Variants in ZNF610 observed in about 807,000 individuals in gnomAD.
ZNF610 encodes zink finger protein.
Under a neutral mutation model 14.1 loss-of-function variants are expected in ZNF610, and 14 were observed. The ratio of observed to expected loss-of-function variants is 0.99; its 90% CI spans 0.65 to 1.55. The LOEUF is 1.55. ZNF610 is among the 40% of genes most tolerant of loss of function. ZNF610 has a pLI of 0.00. For missense variants in ZNF610, 530 were observed against 558.0 expected (o/e 0.95, Z 0.51); for synonymous variants, 185 against 187.6 (o/e 0.99, Z 0.11).
intron 1 of ZNF610, among the ~76,000 whole-genome samples, chr19:52,342,781 T>C (rs10421580): frequency 0.048 from 7,269 of 152,136 alleles, 571 homozygotes; most frequent in African/African-American, 0.16. Context: ...CACCTTGGCC[T>C]CCCAAAGTGC....
intron 5 of ZNF610, among the ~76,000 whole-genome samples, chr19:52,358,883 A>G (rs1985653947): frequency 6.6e-6 from 1 of 152,208 alleles, no homozygotes; most frequent in African/African-American, 2.4e-5. Flanking sequence ...CAGTTTCCTC[A>G]GCACTATTTG....
chr19:52,340,787 T>G (rs1343423195), intron 1 of ZNF610, among the ~76,000 whole-genome samples: 1 of 152,042 alleles, frequency 6.6e-6, no homozygotes, highest in Non-Finnish European at 1.5e-5. Flanking sequence ...TTCAAGCGAT[T>G]CTCCTGCCTC....
rs1247883132 is a variant in ZNF610, at chr19:52,366,289, C to G, written c.911C>G (p.Thr304Ser). Residue 304 changes from threonine to serine, a missense_variant, in exon 6 of 6, where the codon ACT becomes AGT. Thr to Ser is a moderately conservative substitution (Grantham distance 58, BLOSUM62 1). Coordinates refer to ENST00000403906, the MANE Select transcript of ZNF610 (RefSeq NM_001161425.2). ...GKAFRECSGL[T>S]THLVIHTGEK... ...GCTTTTAGAGAGTGTTCGGGACTTACTACCCATCTTGTAATCCATACTGGA... is the reference window on the plus strand; with the variant it reads ...GCTTTTAGAGAGTGTTCGGGACTTAGTACCCATCTTGTAATCCATACTGGA... The G allele has an allele frequency of 6.2e-7, 1 of 1,613,210 alleles. No homozygotes were observed. Among genetic ancestry groups the G allele is most frequent in the Non-Finnish European group, 8.5e-7 (1 of 1,179,430 alleles).
At chr19:52,342,620 A>G (rs1984739949) in intron 1 of ZNF610, among the ~76,000 whole-genome samples, 1 of 151,668 alleles carries the variant, frequency 6.6e-6, no homozygotes, top group African/African-American at 2.4e-5. Context: ...CCCGGGTTCA[A>G]GTGATTCTCC....
At position 52,356,594 on chromosome 19, in the gene ZNF610, A is replaced by C. The variant is rs923168590; in HGVS notation, c.319+2215A>C. ...TTAAATGCACAGGGTATGCCTCAGC[A>C]GGAGAGTCTCTAAAACTGACACTCC... is the stretch of plus-strand genomic sequence containing the variant. On this transcript the variant is annotated intron_variant, in intron 5 of 5. Transcript: ENST00000403906. Among the ~76,000 whole-genome samples the C allele has an allele frequency of 2.6e-5, 4 of 152,174 alleles. No homozygotes were observed. In the South Asian group the frequency reaches 8.3e-4, roughly 31 times the overall value.
intron 3 of ZNF610, among the ~76,000 whole-genome samples, chr19:52,349,751 A>G (rs1600233580): frequency 6.6e-6 from 1 of 151,930 alleles, no homozygotes; most frequent in Non-Finnish European, 1.5e-5. Flanking sequence ...TTGTATTTTT[A>G]GTAGAGACGG....
intron 1 of ZNF610, among the ~76,000 whole-genome samples, chr19:52,337,705 T>C (rs1281476672): frequency 6.6e-6 from 1 of 152,178 alleles, no homozygotes; most frequent in East Asian, 1.9e-4. Flanking sequence ...TGGACTATTA[T>C]GATCAAATTG....
At chr19:52,358,030 T>C (rs1985613772) in intron 5 of ZNF610, among the ~76,000 whole-genome samples, 1 of 152,140 alleles carries the variant, frequency 6.6e-6, no homozygotes, top group South Asian at 2.1e-4. Flanking sequence ...TTATAGAAGC[T>C]TTATTATATA....
chr19:52,361,627 A>T (rs575583353), intron 5 of ZNF610, among the ~76,000 whole-genome samples: 25 of 150,482 alleles, frequency 1.7e-4, no homozygotes, highest in South Asian at 6.3e-4. Context: ...TAATTTAAAA[A>T]TTTTTTTTTT....
chr19:52,366,078 T>G lies in ZNF610; in HGVS notation c.700T>G (p.Cys234Gly). The change falls in exon 6 of 6, where the codon TGT (cysteine) becomes GGT (glycine). Residue 234 changes from cysteine to glycine, a missense_variant. Transcript: ENST00000403906. Reference protein sequence around the residue: ...VIHTAEKPYKCTECGKVFSRN... With the variant: ...VIHTAEKPYKGTECGKVFSRN... ...CCATACTGCAGAGAAACCTTACAAATGTACTGAATGTGGCAAGGTCTTCAG... is the reference window on the plus strand; with the variant it reads ...CCATACTGCAGAGAAACCTTACAAAGGTACTGAATGTGGCAAGGTCTTCAG... 6.2e-7 allele frequency: 1 copy of G among 1,614,128 alleles called. No individual in the cohort carries two copies. The highest frequency in any genetic ancestry group is 8.5e-7 in the Non-Finnish European group (1 of 1,180,004).
intron 1 of ZNF610, among the ~76,000 whole-genome samples, chr19:52,344,532 G>A (rs1426155757): frequency 1.3e-5 from 2 of 152,174 alleles, no homozygotes; most frequent in African/African-American, 4.8e-5. Context: ...ACATTTGAGA[G>A]CTGAGGCATT....
At chr19:52,345,060 G>T (rs1191900963) in intron 1 of ZNF610, 1 of 152,300 alleles carries the variant, frequency 6.6e-6, no homozygotes. Flanking sequence ...AGGATTACAG[G>T]TGTGAGCCAC....
At chr19:52,358,479 GC>G (rs1426475118) in intron 5 of ZNF610, among the ~76,000 whole-genome samples, 1 of 152,316 alleles carries the variant, frequency 6.6e-6, no homozygotes, top group Admixed American at 6.5e-5. Flanking sequence ...ACTGCGCCTG[GC>G]CTCCTTTTTC....
At chr19:52,332,951 C>T (rs987413798), upstream of ZNF610, among the ~76,000 whole-genome samples, 1 of 152,140 alleles carries the variant, frequency 6.6e-6, no homozygotes, top group Non-Finnish European at 1.5e-5. This position sits in a 1 kb window ranked among gnomAD's most constrained non-coding sequence, Gnocchi z 4.1. Flanking sequence ...TTAGATCAGC[C>T]TTTGCTCAGT....
At chr19:52,353,925 C>G in intron 4 of ZNF610, 117 bp downstream of exon 4, 4 of 1,341,572 alleles carry the variant, frequency 3.0e-6, no homozygotes, top group Non-Finnish European at 4.1e-6. Flanking sequence ...CTTGTTGACT[C>G]AGAAATGAAA....
rs774442909 is a variant in ZNF610, at chr19:52,366,135, A to G, written c.757A>G (p.Ile253Val). The G allele has an allele frequency of 1.2e-6, 2 of 1,613,980 alleles. No homozygotes were observed. The highest frequency in any genetic ancestry group is 4.5e-5 in the East Asian group (2 of 44,870). ...RNSHLVEHWR[I>V]HTGQKPYKCS... The stretch of plus-strand genomic sequence containing the variant: ...TTCACACCTTGTAGAACATTGGAGA[A>G]TTCATACTGGACAGAAGCCTTACAA... Residue 253 changes from isoleucine to valine, a missense_variant, in exon 6 of 6, where the codon ATT becomes GTT. Physicochemically the swap from Ile to Val is conservative, Grantham distance 29. Transcript: ENST00000403906.
chr19:52,353,922 A>C, intron 4 of ZNF610, 114 bp downstream of exon 4: 1 of 1,354,338 alleles, frequency 7.4e-7, no homozygotes, highest in Non-Finnish European at 1.0e-6. Flanking sequence ...AACCTTGTTG[A>C]CTCAGAAATG....
intron 5 of ZNF610, among the ~76,000 whole-genome samples, chr19:52,360,689 G>T (rs1985733698): frequency 6.6e-6 from 1 of 151,958 alleles, no homozygotes; most frequent in Admixed American, 6.5e-5. Flanking sequence ...TTTTTATTCT[G>T]TTTTTGTGGA....
At chr19:52,351,607 T>A (rs924357831) in intron 3 of ZNF610, among the ~76,000 whole-genome samples, 7 of 152,038 alleles carry the variant, frequency 4.6e-5, no homozygotes, top group African/African-American at 1.7e-4. Context: ...GCTTGTCACC[T>A]CCTCACTGAA....
Sources: gnomAD v4.1 joint callset for allele counts (sites outside exome capture counted in the v4.1 genomes callset) on GRCh38, gnomAD v4.1.1 for gene constraint, Gnocchi (gnomAD v3.1) non-coding constraint, MANE v1.5 for transcripts, NCBI Gene and HGNC (gene_info 2026-07-23, HGNC 2026-07-21) for gene names.